Variants in SLC38A12 observed in about 807,000 individuals in gnomAD.
SLC38A12 encodes putative sodium-coupled neutral amino acid transporter 12.
chr17:74,809,736 G>T, the SLC38A12 span, among the ~76,000 whole-genome samples: 1 of 152,134 alleles, frequency 6.6e-6, no homozygotes, highest in African/African-American at 2.4e-5. Flanking sequence ...AGGTCCAAGG[G>T]GGCAACGTTG....
At chr17:74,777,890 G>A in the SLC38A12 span, among the ~76,000 whole-genome samples, 1 of 152,100 alleles carries the variant, frequency 6.6e-6, no homozygotes, top group African/African-American at 2.4e-5. Flanking sequence ...CTCCAGCCTG[G>A]GCAAAAAGAG....
At chr17:74,817,729 G>A in the SLC38A12 span, among the ~76,000 whole-genome samples, 6 of 152,174 alleles carry the variant, frequency 3.9e-5, no homozygotes, top group Non-Finnish European at 5.9e-5. Context: ...CAGGCAGCCT[G>A]CAGGAGCATT....
chr17:74,779,906 C>A, the SLC38A12 span, among the ~76,000 whole-genome samples: 3 of 152,354 alleles, frequency 2.0e-5, no homozygotes, highest in African/African-American at 7.2e-5. Context: ...TCCTAGGTGG[C>A]TCAGATGTCA....
chr17:74,792,383 G>A, the SLC38A12 span, among the ~76,000 whole-genome samples: 14 of 151,708 alleles, frequency 9.2e-5, no homozygotes, highest in Non-Finnish European at 1.5e-4. Context: ...CCTGGGAGGC[G>A]GAGGTTGCAG....
At chr17:74,817,675 G>A in the SLC38A12 span, among the ~76,000 whole-genome samples, 13 of 152,134 alleles carry the variant, frequency 8.5e-5, no homozygotes, top group Admixed American at 2.0e-4. Flanking sequence ...AGCATCTGCC[G>A]AGGACAGGAA....
chr17:74,796,743 G>A, the SLC38A12 span, among the ~76,000 whole-genome samples: 2 of 152,364 alleles, frequency 1.3e-5, no homozygotes, highest in South Asian at 4.1e-4. Context: ...TTGCAGGTCT[G>A]GTGGGAATTT....
At chr17:74,786,707 GA>G in the SLC38A12 span, among the ~76,000 whole-genome samples, 1 of 152,188 alleles carries the variant, frequency 6.6e-6, no homozygotes, top group Non-Finnish European at 1.5e-5. Context: ...ACAGGAAGCT[GA>G]ATGGGATAGG....
At chr17:74,838,113 G>A in the SLC38A12 span, 18 of 985,800 alleles carry the variant, frequency 1.8e-5, no homozygotes, top group Middle Eastern at 5.2e-4. Context: ...GGGAGCCCAC[G>A]GGCTGCGCCA....
the SLC38A12 span, chr17:74,777,251 CTT>C: frequency 1.9e-6 from 3 of 1,550,308 alleles, no homozygotes; most frequent in African/African-American, 1.4e-5. Context: ...GAAGCCTGCT[CTT>C]TTGTTTTAAG....
chr17:74,824,485 A>G, the SLC38A12 span, among the ~76,000 whole-genome samples: 1 of 152,188 alleles, frequency 6.6e-6, no homozygotes, highest in African/African-American at 2.4e-5. Flanking sequence ...GGGCTGAAGT[A>G]TTGGCAGCTT....
the SLC38A12 span, among the ~76,000 whole-genome samples, chr17:74,810,523 C>T: frequency 4.6e-5 from 7 of 152,210 alleles, no homozygotes; most frequent in Admixed American, 4.6e-4. Context: ...TCCGCCTGTC[C>T]TCATCTCTCA....
chr17:74,829,955 A>G, the SLC38A12 span, among the ~76,000 whole-genome samples: 1 of 152,144 alleles, frequency 6.6e-6, no homozygotes, highest in Non-Finnish European at 1.5e-5. The surrounding 1 kb of genome is among the most constrained non-coding windows in gnomAD (Gnocchi z 4.1). Context: ...CCCTCTCCGT[A>G]CCTGCAGCTC....
the SLC38A12 span, among the ~76,000 whole-genome samples, chr17:74,786,185 G>A: frequency 6.6e-6 from 1 of 151,832 alleles, no homozygotes; most frequent in Non-Finnish European, 1.5e-5. Flanking sequence ...TTCAGGGAGG[G>A]TGGGTTCCAC....
the SLC38A12 span, chr17:74,836,967 T>G: frequency 8.1e-7 from 1 of 1,239,586 alleles, no homozygotes; most frequent in East Asian, 3.6e-5. The surrounding 1 kb of genome is among the most constrained non-coding windows in gnomAD (Gnocchi z 4.2). Context: ...ATCACACCTC[T>G]CCCACATCTT....
At chr17:74,818,111 C>A in the SLC38A12 span, among the ~76,000 whole-genome samples, 1 of 152,280 alleles carries the variant, frequency 6.6e-6, no homozygotes, top group Non-Finnish European at 1.5e-5. Context: ...GATGGTGCTG[C>A]GTACAGACCT....
the SLC38A12 span, among the ~76,000 whole-genome samples, chr17:74,835,308 G>T: frequency 6.6e-6 from 1 of 152,160 alleles, no homozygotes; most frequent in Non-Finnish European, 1.5e-5. Context: ...CGTGACCACT[G>T]GCAACTTCCT....
the SLC38A12 span, among the ~76,000 whole-genome samples, chr17:74,833,375 A>G: frequency 2.0e-5 from 3 of 152,242 alleles, no homozygotes; most frequent in Non-Finnish European, 2.9e-5. Flanking sequence ...TTGGTGTCAA[A>G]GGTGCCTCTT....
At chr17:74,838,680 G>A in the SLC38A12 span, 46 of 1,421,032 alleles carry the variant, frequency 3.2e-5, no homozygotes, top group Non-Finnish European at 3.9e-5. Context: ...TCCTCCTGCT[G>A]TAAGTCAGAT....
At chr17:74,792,597 C>T in the SLC38A12 span, among the ~76,000 whole-genome samples, 2 of 152,188 alleles carry the variant, frequency 1.3e-5, no homozygotes, top group East Asian at 1.9e-4. Context: ...GTCAAAGCCC[C>T]GTTTGTCGAG....
Sources: allele counts gnomAD v4.1 joint callset (sites outside exome capture counted in the v4.1 genomes callset), GRCh38; gene constraint gnomAD v4.1.1; non-coding constraint Gnocchi (gnomAD v3.1); transcripts MANE v1.5; gene names NCBI Gene and HGNC (gene_info 2026-07-23, HGNC 2026-07-21).